The following NXPH1 variants were observed in gnomAD, a reference collection of about 807,000 sequenced individuals.
The protein encoded by NXPH1 is neurexophilin 1.
In NXPH1, 5 loss-of-function variants were observed where a neutral mutation model predicts 23.7. The ratio of observed to expected loss-of-function variants is 0.21; its 90% CI spans 0.11 to 0.44. The LOEUF (loss-of-function observed/expected upper bound fraction) is 0.44. Among genes scored for constraint, NXPH1 ranks in the 20% least tolerant of loss-of-function variants. The probability of loss-of-function intolerance (pLI) is 0.99; values close to 1 mark genes in which losing one functional copy is unlikely to be tolerated. For synonymous variants in NXPH1, 144 were observed against 122.2 expected (o/e 1.18, Z -1.18); for missense variants, 324 against 321.6 (o/e 1.01, Z -0.06).
chr7:8,435,797 A>AT lies in NXPH1; in HGVS notation c.54+35dup, dbSNP rs774960994. Reference sequence around the variant, plus strand: ...GTCTTGGAAGGTTCGGGGCTTTCGCATTTTTACCCCGGCCGGGAGGCAAGG... The same window carrying AT: ...GTCTTGGAAGGTTCGGGGCTTTCGCATTTTTTACCCCGGCCGGGAGGCAAGG... On this transcript the variant is annotated intron_variant, in intron 2 of 2. Transcript: ENST00000405863. This position sits in a 1 kb window ranked among gnomAD's most constrained non-coding sequence, Gnocchi z 5.9. The AT allele has an allele frequency of 1.9e-6, 3 of 1,610,794 alleles. No individual in the cohort carries two copies. The African/African-American group carries it at 4.0e-5, about 22-fold the overall frequency.
rs1481554376 is a variant in NXPH1, at chr7:8,442,382, C to A, written c.54+6615C>A. On this transcript the variant is annotated intron_variant, in intron 2 of 2. Coordinates refer to ENST00000405863, the MANE Select transcript of NXPH1 (RefSeq NM_152745.3). This position sits in a 1 kb window ranked among gnomAD's most constrained non-coding sequence, Gnocchi z 4.6. ...GCGTCCCCGCTGAACCTGCCTCTGG[C>A]CGCGCCTCGCCATCACCCCCGCCGC... is the stretch of plus-strand genomic sequence containing the variant. Among the ~76,000 whole-genome samples, 1 of 152,178 alleles carries A rather than the reference C, an allele frequency of 6.6e-6. No individual in the cohort carries two copies. The highest frequency in any genetic ancestry group is 1.5e-5 in the Non-Finnish European group (1 of 68,024).
At position 8,745,143 on chromosome 7, in the gene NXPH1, C is replaced by T. The variant is rs936599527; in HGVS notation, c.55-5865C>T. On this transcript the variant is annotated intron_variant, in intron 2 of 2. Transcript: ENST00000405863. ...GTTTTTGGCAAGCTCTTCTATTTCT[C>T]CTCTAAAGTAATGCTCCCTGGCGTT... Among the ~76,000 whole-genome samples, 3 of 152,180 alleles carry T rather than the reference C, an allele frequency of 2.0e-5. No homozygotes were observed. In the South Asian group the frequency reaches 6.2e-4, roughly 32 times the overall value.
intron 2 of NXPH1, among the ~76,000 whole-genome samples, chr7:8,474,894 G>T (rs1176410079): frequency 1.3e-5 from 2 of 152,090 alleles, no homozygotes; most frequent in East Asian, 3.9e-4. Flanking sequence ...CGGCCATGCT[G>T]GTTGGTTCTT....
Position 8,435,441 on chromosome 7 carries a change from G to C in NXPH1, c.-110-163G>C. 1 of 529,062 alleles carries C rather than the reference G, an allele frequency of 1.9e-6. No homozygotes were observed. The highest frequency in any genetic ancestry group is 3.4e-5 in the East Asian group (1 of 29,766). The allele number at this position is 529,062 out of a possible 1,614,324, so 32.8% of individuals were successfully genotyped here. A position where few individuals can be genotyped will look rare whatever the true frequency, so the allele number is the denominator to read the frequency against. ...CTCCCCAGCTGCGGACCGCGCGCTT[G>C]CTGGTCTCAGGCGCTGGATTTACTC... On this transcript the variant is annotated intron_variant, in intron 1 of 2. Coordinates refer to ENST00000405863, the MANE Select transcript of NXPH1 (RefSeq NM_152745.3). The surrounding 1 kb of genome is among the most constrained non-coding windows in gnomAD (Gnocchi z 5.9).
chr7:8,561,581 T>C (rs909607943), intron 2 of NXPH1, among the ~76,000 whole-genome samples: 2 of 151,628 alleles, frequency 1.3e-5, no homozygotes, highest in Admixed American at 6.6e-5. Flanking sequence ...TCGAGTCACA[T>C]GGTATAGGGA....
chr7:8,622,458 G>T (rs1309840219), intron 2 of NXPH1, among the ~76,000 whole-genome samples: 2 of 152,160 alleles, frequency 1.3e-5, no homozygotes, highest in African/African-American at 4.8e-5. Context: ...AAGTACATAT[G>T]AAACTTGGCA....
chr7:8,462,529 C>A (rs1816713324), intron 2 of NXPH1, among the ~76,000 whole-genome samples: 1 of 152,164 alleles, frequency 6.6e-6, no homozygotes, highest in African/African-American at 2.4e-5. Context: ...CACAGTCACT[C>A]AGCTAATGAT....
intron 2 of NXPH1, among the ~76,000 whole-genome samples, chr7:8,516,646 C>A (rs745544139): frequency 2.6e-5 from 4 of 152,074 alleles, no homozygotes; most frequent in South Asian, 2.1e-4. Flanking sequence ...GGAATTGCTT[C>A]ATCTAAGTTA....
intron 2 of NXPH1, among the ~76,000 whole-genome samples, chr7:8,691,829 G>A (rs571952582): frequency 6.6e-6 from 1 of 152,286 alleles, no homozygotes; most frequent in Admixed American, 6.5e-5. Flanking sequence ...TACAACACAA[G>A]TAAACAGTTT....
intron 2 of NXPH1, among the ~76,000 whole-genome samples, chr7:8,659,809 G>A (rs1043943897): frequency 3.3e-5 from 5 of 152,130 alleles, no homozygotes; most frequent in African/African-American, 1.2e-4. Flanking sequence ...TATTTTTTCT[G>A]TCAACTCAAA....
At chr7:8,583,247 T>C (rs1818917039) in intron 2 of NXPH1, among the ~76,000 whole-genome samples, 1 of 152,216 alleles carries the variant, frequency 6.6e-6, no homozygotes, top group South Asian at 2.1e-4. Flanking sequence ...AGATCTGGCA[T>C]TTCCCAACCA....
intron 2 of NXPH1, among the ~76,000 whole-genome samples, chr7:8,622,897 G>A (rs527916519): frequency 6.3e-4 from 96 of 152,286 alleles, no homozygotes; most frequent in African/African-American, 2.3e-3. Context: ...TATGAGTGCA[G>A]AGGAAGAAAA....
intron 2 of NXPH1, among the ~76,000 whole-genome samples, chr7:8,474,569 A>T (rs984274493): frequency 6.6e-6 from 1 of 152,126 alleles, no homozygotes; most frequent in African/African-American, 2.4e-5. Context: ...ACACATTTAC[A>T]AAAAACAGGT....
intron 2 of NXPH1, among the ~76,000 whole-genome samples, chr7:8,655,185 G>A (rs571460285): frequency 2.0e-5 from 3 of 152,048 alleles, no homozygotes; most frequent in Admixed American, 6.5e-5. Flanking sequence ...AGGAACTCGA[G>A]ACCAGCCTGG....
At chr7:8,585,304 C>A (rs777804605) in intron 2 of NXPH1, among the ~76,000 whole-genome samples, 4 of 152,154 alleles carry the variant, frequency 2.6e-5, no homozygotes, top group Non-Finnish European at 5.9e-5. Context: ...CTGTGGGGTC[C>A]AAATGAGGTA....
intron 2 of NXPH1, 22 bp from the exon 3 acceptor site, chr7:8,750,986 C>T (rs771697451): frequency 2.5e-6 from 4 of 1,610,058 alleles, no homozygotes; most frequent in Admixed American, 1.7e-5. Context: ...ATGTAAATGC[C>T]ATTTTTCTCT....
intron 2 of NXPH1, among the ~76,000 whole-genome samples, chr7:8,529,588 C>G (rs1817920561): frequency 6.6e-6 from 1 of 152,174 alleles, no homozygotes; most frequent in Non-Finnish European, 1.5e-5. Flanking sequence ...AGCCTGCATT[C>G]AAGTCTTGGC....
At chr7:8,675,034 G>A (rs1396513838) in intron 2 of NXPH1, among the ~76,000 whole-genome samples, 1 of 152,092 alleles carries the variant, frequency 6.6e-6, no homozygotes, top group African/African-American at 2.4e-5. Flanking sequence ...TTTTGGACTG[G>A]GTATGGATGA....
chr7:8,628,164 A>C (rs1820035083), intron 2 of NXPH1, among the ~76,000 whole-genome samples: 1 of 152,152 alleles, frequency 6.6e-6, no homozygotes, highest in Non-Finnish European at 1.5e-5. Flanking sequence ...AAAATAGAGA[A>C]TATGTGGATT....
Sources: gnomAD v4.1 joint callset for allele counts (sites outside exome capture counted in the v4.1 genomes callset) on GRCh38, gnomAD v4.1.1 for gene constraint, Gnocchi (gnomAD v3.1) non-coding constraint, MANE v1.5 for transcripts, NCBI Gene and HGNC (gene_info 2026-07-23, HGNC 2026-07-21) for gene names.